The following DNAJC8 variants were observed in gnomAD, a reference collection of about 807,000 sequenced individuals.
DNAJC8 encodes the protein DnaJ heat shock protein family (Hsp40) member C8.
A neutral mutation model predicts 43.2 loss-of-function variants in DNAJC8; 24 were observed. That is an observed-to-expected ratio of 0.56 (90% confidence interval 0.40 to 0.78). The LOEUF (loss-of-function observed/expected upper bound fraction) is 0.78, where lower values mean the gene tolerates loss of function less well. DNAJC8 is among the 30% of genes least tolerant of loss of function. The pLI, the probability that DNAJC8 is intolerant of heterozygous loss-of-function variation, is 0.00. For missense variants in DNAJC8, 207 were observed against 299.4 expected (o/e 0.69, Z 2.28); for synonymous variants, 83 against 98.0 (o/e 0.85, Z 0.90).
chr1:28,200,736 C>T lies in DNAJC8; in HGVS notation c.*512G>A, dbSNP rs1304633121. The stretch of plus-strand genomic sequence containing the variant: ...GGGGCACATGCCAAACACCACAGGG[C>T]ATCAGATGCTGCTCTGTGTGCTCAC... On this transcript the variant is annotated 3_prime_UTR_variant, in exon 9 of 9. Coordinates refer to ENST00000263697, the MANE Select transcript of DNAJC8 (RefSeq NM_014280.3). 2.2e-6 allele frequency: 1 copy of T among 452,670 alleles called. No homozygotes were observed. The highest frequency in any genetic ancestry group is 4.4e-6 in the Non-Finnish European group (1 of 225,898). 28.0% of individuals were successfully genotyped at this position (452,670 alleles called of 1,614,324 possible).
intron 2 of DNAJC8, among the ~76,000 whole-genome samples, chr1:28,228,352 A>AG (rs941989344): frequency 7.3e-5 from 11 of 150,944 alleles, no homozygotes; most frequent in Non-Finnish European, 1.5e-4. Context: ...CCGTCTCAAA[A>AG]AAAAAAAAAA....
At chr1:28,224,230 A>T (rs1646918170) in intron 2 of DNAJC8, among the ~76,000 whole-genome samples, 1 of 152,170 alleles carries the variant, frequency 6.6e-6, no homozygotes, top group African/African-American at 2.4e-5. Flanking sequence ...CACATAAAAT[A>T]CTTATTCATT....
At chr1:28,228,096 A>G (rs1646949296) in intron 2 of DNAJC8, among the ~76,000 whole-genome samples, 2 of 152,178 alleles carry the variant, frequency 1.3e-5, no homozygotes, top group South Asian at 2.1e-4. Context: ...CACGCCTGTA[A>G]TCCCAGCACT....
In DNAJC8 at chr1:28,227,340, C is replaced by T. The variant is rs191254204; in HGVS notation, c.180+1582G>A. 2.5e-3 allele frequency among the ~76,000 whole-genome samples: 348 copies of T among 140,764 alleles called. 14 individuals are homozygous for T. The highest frequency in any genetic ancestry group is 4.5e-3 in the Non-Finnish European group (299 of 65,768). The allele number at this position is 140,764 out of a possible 152,430, so 92.3% of individuals were successfully genotyped here. On this transcript the variant is annotated intron_variant, in intron 2 of 8. Transcript: ENST00000263697. The stretch of plus-strand genomic sequence containing the variant: ...AAGAGAAACACTTGAATCTGGGAGG[C>T]GGAGGTGCAGTGAGCCAAGATTGCA...
chr1:28,229,629 G>A (rs915385649), intron 1 of DNAJC8, among the ~76,000 whole-genome samples: 1 of 151,840 alleles, frequency 6.6e-6, no homozygotes, highest in African/African-American at 2.4e-5. Flanking sequence ...CAAAAAATTA[G>A]CTGGGCATGG....
intron 2 of DNAJC8, among the ~76,000 whole-genome samples, chr1:28,224,110 A>G (rs1646917495): frequency 6.6e-6 from 1 of 152,210 alleles, no homozygotes; most frequent in South Asian, 2.1e-4. Context: ...CAAAATAAAC[A>G]TAAAATTACA....
Position 28,214,930 on chromosome 1 carries a change from A to G in DNAJC8, c.237+10T>C, listed in dbSNP as rs1408659709. 4 of 1,592,350 alleles carry G rather than the reference A, an allele frequency of 2.5e-6. No individual in the cohort carries two copies. The East Asian group carries it at 9.0e-5, about 36-fold the overall frequency. On this transcript the variant is annotated intron_variant, in intron 3 of 8. Coordinates refer to ENST00000263697, the MANE Select transcript of DNAJC8 (RefSeq NM_014280.3). ...TTTCAAAAAGTTCAAACAGGGAAAT[A>G]GTACTGTACCTGCCGAAACCTCTTT...
At chr1:28,226,551 G>T (rs1248615173) in intron 2 of DNAJC8, among the ~76,000 whole-genome samples, 1 of 150,946 alleles carries the variant, frequency 6.6e-6, no homozygotes, top group East Asian at 1.9e-4. Flanking sequence ...CCACAATAAA[G>T]AAATGATTAA....
chr1:28,216,657 A>T (rs555702053), intron 2 of DNAJC8, among the ~76,000 whole-genome samples: 61 of 152,122 alleles, frequency 4.0e-4, no homozygotes, highest in African/African-American at 1.4e-3. Context: ...AAAAAACCTA[A>T]AATAGCTATA....
intron 2 of DNAJC8, 28 bp downstream of exon 2, chr1:28,228,894 G>C: frequency 1.3e-6 from 2 of 1,580,074 alleles, no homozygotes; most frequent in Non-Finnish European, 8.7e-7. Context: ...CCCCATTACA[G>C]AGGCCCTAGC....
chr1:28,232,281 T>TTTCATTTA, intron 1 of DNAJC8, among the ~76,000 whole-genome samples: 1 of 152,308 alleles, frequency 6.6e-6, no homozygotes, highest in East Asian at 1.9e-4. Flanking sequence ...CATGCTTTTA[T>TTTCATTTA]TTCATTTATT....
rs1176437876 is a variant in DNAJC8, at chr1:28,208,427, T to C, written c.400-14A>G. The stretch of plus-strand genomic sequence containing the variant: ...TCGCTCTTTCACCTAAAAAGAATTT[T>C]TTTTCATCAAAAGACGAGCATCTGT... On this transcript the variant is annotated splice_polypyrimidine_tract_variant and intron_variant, in intron 5 of 8. Coordinates refer to ENST00000263697, the MANE Select transcript of DNAJC8 (RefSeq NM_014280.3). 1 of 1,597,178 alleles carries C rather than the reference T, an allele frequency of 6.3e-7. No homozygotes were observed. Among genetic ancestry groups the C allele is most frequent in the Non-Finnish European group, 8.6e-7 (1 of 1,166,710 alleles).
At chr1:28,202,255 G>A (rs546722375) in intron 8 of DNAJC8, among the ~76,000 whole-genome samples, 4 of 152,226 alleles carry the variant, frequency 2.6e-5, no homozygotes, top group African/African-American at 9.6e-5. Flanking sequence ...GAGGCTAGAC[G>A]TTTAACATGG....
intron 5 of DNAJC8, 126 bp downstream of exon 5, chr1:28,209,846 G>A (rs1646798577): frequency 1.3e-6 from 1 of 757,222 alleles, no homozygotes; most frequent in African/African-American, 1.7e-5. Context: ...CAGCAAAGTG[G>A]TAGAGAGCAC....
At chr1:28,210,458 TC>T in intron 4 of DNAJC8, 112 bp downstream of exon 4, 6 of 928,110 alleles carry the variant, frequency 6.5e-6, no homozygotes, top group Non-Finnish European at 1.0e-5. Flanking sequence ...AACCACAGCT[TC>T]TTGGTGACCA....
At chr1:28,224,848 C>A (rs1201821767) in intron 2 of DNAJC8, among the ~76,000 whole-genome samples, 1 of 152,038 alleles carries the variant, frequency 6.6e-6, no homozygotes, top group African/African-American at 2.4e-5. Context: ...TGCGCCACTG[C>A]ACTCCAGTCT....
chr1:28,211,112 T>A (rs551504924), intron 3 of DNAJC8, among the ~76,000 whole-genome samples: 65 of 152,284 alleles, frequency 4.3e-4, no homozygotes, highest in African/African-American at 1.5e-3. Flanking sequence ...AGGTTGAGAT[T>A]GTGCCACTGC....
chr1:28,210,154 C>T, intron 4 of DNAJC8, 88 bp from the exon 5 acceptor site: 1 of 1,087,408 alleles, frequency 9.2e-7, no homozygotes, highest in South Asian at 1.3e-5. Flanking sequence ...GACTTGTGCT[C>T]TCTAAAGCAT....
intron 4 of DNAJC8, 44 bp downstream of exon 4, chr1:28,210,527 C>A: frequency 1.3e-6 from 2 of 1,521,906 alleles, no homozygotes; most frequent in Non-Finnish European, 1.8e-6. Context: ...TTAGGCCCTG[C>A]CATTCACAAT....
Sources: allele counts gnomAD v4.1 joint callset (sites outside exome capture counted in the v4.1 genomes callset), GRCh38; gene constraint gnomAD v4.1.1; transcripts MANE v1.5; gene names NCBI Gene and HGNC (gene_info 2026-07-23, HGNC 2026-07-21).